Variants in DGKB observed in about 807,000 individuals in gnomAD.
DGKB encodes diacylglycerol kinase beta.
A neutral mutation model predicts 114.3 loss-of-function variants in DGKB; 67 were observed. The ratio of observed to expected loss-of-function variants is 0.59; its 90% CI spans 0.48 to 0.72. The LOEUF is 0.72. Among genes scored for constraint, DGKB ranks in the 30% least tolerant of loss-of-function variants. The pLI, the probability that DGKB is intolerant of heterozygous loss-of-function variation, is 0.00. For missense variants in DGKB, 907 were observed against 975.2 expected, an observed-to-expected ratio of 0.93 and a Z score of 0.93; for synonymous variants, 398 against 323.1, an observed-to-expected ratio of 1.23 and a Z score of -2.49.
chr7:14,850,121 C>A (rs1849153228), intron 1 of DGKB, among the ~76,000 whole-genome samples: 1 of 152,144 alleles, frequency 6.6e-6, no homozygotes, highest in Non-Finnish European at 1.5e-5. Flanking sequence ...AGTTTCTGAG[C>A]AATTAAATGA....
At chr7:14,613,525 T>G in intron 15 of DGKB, 112 bp from the exon 16 acceptor site, 1 of 654,130 alleles carries the variant, frequency 1.5e-6, no homozygotes, top group East Asian at 2.8e-5. Context: ...ATAATATTAC[T>G]TTCCACAATG....
intron 2 of DGKB, among the ~76,000 whole-genome samples, chr7:14,823,978 C>T (rs1430299487): frequency 6.6e-6 from 1 of 152,150 alleles, no homozygotes; most frequent in Non-Finnish European, 1.5e-5. Flanking sequence ...TTCCACATGG[C>T]TGGGGAAGCC....
intron 1 of DGKB, among the ~76,000 whole-genome samples, chr7:14,936,530 C>G (rs17313106): frequency 0.12 from 18,134 of 152,122 alleles, 1,269 homozygotes; most frequent in Admixed American, 0.19. Context: ...TTAAATGTCT[C>G]AAATGCCTTG....
At chr7:14,624,877 T>C (rs1469338159) in intron 14 of DGKB, among the ~76,000 whole-genome samples, 1 of 151,974 alleles carries the variant, frequency 6.6e-6, no homozygotes, top group Non-Finnish European at 1.5e-5. Context: ...TGGACACCTG[T>C]GGTCCCAGTT....
At chr7:14,539,413 T>A (rs774653332) in intron 20 of DGKB, among the ~76,000 whole-genome samples, 75 of 152,240 alleles carry the variant, frequency 4.9e-4, no homozygotes, top group African/African-American at 1.8e-3. Context: ...TAAAGATGAA[T>A]AAAGCTTAAT....
chr7:14,548,321 A>C (rs1381456535), intron 20 of DGKB, among the ~76,000 whole-genome samples: 1 of 152,188 alleles, frequency 6.6e-6, no homozygotes, highest in Non-Finnish European at 1.5e-5. Context: ...ACTGAGAAAC[A>C]ATGTGTAAAA....
chr7:14,168,384 G>A (rs535691294), intron 25 of DGKB, among the ~76,000 whole-genome samples: 1 of 152,166 alleles, frequency 6.6e-6, no homozygotes. Context: ...GTGTGGCGTA[G>A]AAGTCAATAT....
chr7:14,865,927 C>G (rs940062754), intron 1 of DGKB, among the ~76,000 whole-genome samples: 6 of 152,016 alleles, frequency 3.9e-5, no homozygotes, highest in Non-Finnish European at 8.8e-5. Context: ...TAAAATATAA[C>G]TTTCATGAGT....
At chr7:14,281,768 A>G (rs563238234) in intron 23 of DGKB, among the ~76,000 whole-genome samples, 26 of 152,232 alleles carry the variant, frequency 1.7e-4, no homozygotes, top group African/African-American at 6.0e-4. Context: ...ACTGTTGGGT[A>G]CATAACGAAA....
At chr7:14,430,435 C>T (rs73280921) in intron 21 of DGKB, among the ~76,000 whole-genome samples, 11 of 152,084 alleles carry the variant, frequency 7.2e-5, no homozygotes, top group Non-Finnish European at 1.6e-4. Context: ...CATCTGGATC[C>T]AAAATCATGA....
chr7:14,611,458 C>T (rs559160339), intron 16 of DGKB, among the ~76,000 whole-genome samples: 10 of 152,042 alleles, frequency 6.6e-5, no homozygotes, highest in Admixed American at 2.0e-4. Flanking sequence ...GTCAAAAAAG[C>T]CAAAAAATTT....
chr7:14,938,045 G>A (rs932526197), intron 1 of DGKB, among the ~76,000 whole-genome samples: 1 of 152,070 alleles, frequency 6.6e-6, no homozygotes, highest in African/African-American at 2.4e-5. Flanking sequence ...GTTGTGCTGC[G>A]GATGGGTCCC....
At chr7:14,255,672 C>G (rs768187474) in intron 23 of DGKB, among the ~76,000 whole-genome samples, 37 of 152,036 alleles carry the variant, frequency 2.4e-4, no homozygotes, top group Admixed American at 1.1e-3. Flanking sequence ...TGTTAATTCT[C>G]TCTATTGATT....
intron 21 of DGKB, among the ~76,000 whole-genome samples, chr7:14,461,576 G>A (rs1404413649): frequency 6.6e-6 from 1 of 151,970 alleles, no homozygotes; most frequent in Non-Finnish European, 1.5e-5. Flanking sequence ...TCCCTGAATA[G>A]ACCAATAACA....
At chr7:14,501,074 T>A (rs1047134922) in intron 20 of DGKB, among the ~76,000 whole-genome samples, 10 of 151,948 alleles carry the variant, frequency 6.6e-5, no homozygotes, top group Admixed American at 6.6e-4. Flanking sequence ...CCTGAGATAC[T>A]CCCAGAAAAA....
intron 23 of DGKB, among the ~76,000 whole-genome samples, chr7:14,267,785 G>A (rs1431794678): frequency 6.6e-6 from 1 of 151,998 alleles, no homozygotes; most frequent in Non-Finnish European, 1.5e-5. Context: ...CACCGTTCCC[G>A]GCCTATTGTT....
intron 1 of DGKB, among the ~76,000 whole-genome samples, chr7:14,909,273 A>T (rs1783864351): frequency 6.6e-6 from 1 of 152,148 alleles, no homozygotes; most frequent in Non-Finnish European, 1.5e-5. Context: ...TCTTTATATT[A>T]TAACCATATT....
intron 21 of DGKB, among the ~76,000 whole-genome samples, chr7:14,437,788 T>C (rs993017689): frequency 1.3e-5 from 2 of 150,350 alleles, no homozygotes; most frequent in Non-Finnish European, 3.0e-5. Flanking sequence ...CCTAGGGTTA[T>C]CTCGTAAGCC....
chr7:14,338,802 C>T (rs1002376851), intron 22 of DGKB, 92 bp from the exon 23 acceptor site: 36 of 770,440 alleles, frequency 4.7e-5, no homozygotes, highest in Middle Eastern at 3.3e-4. Context: ...TTAATAAGTG[C>T]GTTGAAATCC....
Sources: allele counts gnomAD v4.1 joint callset (sites outside exome capture counted in the v4.1 genomes callset), GRCh38; gene constraint gnomAD v4.1.1; transcripts MANE v1.5; gene names NCBI Gene and HGNC (gene_info 2026-07-23, HGNC 2026-07-21).